KCTD14: variants seen among roughly 807,000 people sequenced by gnomAD.
KCTD14 encodes BTB/POZ domain-containing protein KCTD14.
Under a neutral mutation model 5.9 loss-of-function variants are expected in KCTD14, and 7 were observed. The ratio of observed to expected loss-of-function variants is 1.19; its 90% CI spans 0.68 to 2.23. The LOEUF (loss-of-function observed/expected upper bound fraction) is 2.23, where lower values mean the gene tolerates loss of function less well. KCTD14 is among the 30% of genes most tolerant of loss of function. KCTD14 has a pLI of 0.00. For synonymous variants in KCTD14, 140 were observed against 133.1 expected (o/e 1.05, Z -0.36); for missense variants, 342 against 332.2 (o/e 1.03, Z -0.23).
rs535131984 is a variant in KCTD14, at chr11:78,016,460, T to C, written c.*133A>G. The C allele has an allele frequency of 4.8e-5, 35 of 722,066 alleles. No individual in the cohort carries two copies. Among genetic ancestry groups the C allele is most frequent in the Admixed American group, 2.9e-4 (10 of 34,474 alleles). 44.7% of individuals were successfully genotyped at this position (722,066 alleles called of 1,614,324 possible). A position where few individuals can be genotyped will look rare whatever the true frequency, so the allele number is the denominator to read the frequency against. On this transcript the variant is annotated 3_prime_UTR_variant, in exon 2 of 2. Transcript: ENST00000353172. ...GGAAAGTCCTTAAACGAGTGATCAATATTTAGTGGCAAGACTCTAGACCAA... is the reference window on the plus strand; with the variant it reads ...GGAAAGTCCTTAAACGAGTGATCAACATTTAGTGGCAAGACTCTAGACCAA...
chr11:78,041,219 G>T (rs1243060596), intron 1 of KCTD14, among the ~76,000 whole-genome samples: 2 of 152,188 alleles, frequency 1.3e-5, no homozygotes, highest in Non-Finnish European at 2.9e-5. Flanking sequence ...GGGCACTGGA[G>T]TTTATGATGT....
chr11:78,036,763 C>T (rs536310165), intron 2 of KCTD14, among the ~76,000 whole-genome samples: 2 of 152,332 alleles, frequency 1.3e-5, no homozygotes, highest in African/African-American at 2.4e-5. Context: ...CTGCCCCAAG[C>T]TCCATGAGGG....
At chr11:78,032,363 CA>C (rs781174041) in intron 2 of KCTD14, among the ~76,000 whole-genome samples, 8 of 146,858 alleles carry the variant, frequency 5.4e-5, no homozygotes, top group Non-Finnish European at 1.1e-4. Context: ...CTTTTAACCC[CA>C]AAAATGCCTC....
At chr11:78,033,444 G>A (rs1857685367) in intron 2 of KCTD14, among the ~76,000 whole-genome samples, 1 of 152,152 alleles carries the variant, frequency 6.6e-6, no homozygotes, top group Admixed American at 6.5e-5. Flanking sequence ...CACTTTGGGA[G>A]GCCGAGGAGG....
intron 2 of KCTD14, among the ~76,000 whole-genome samples, chr11:78,036,294 T>C (rs1857802153): frequency 1.3e-5 from 2 of 152,270 alleles, no homozygotes; most frequent in African/African-American, 2.4e-5. Context: ...GCATGCATTG[T>C]GTCTATGCTG....
At chr11:78,022,489 C>G (rs1857333141) in intron 1 of KCTD14, among the ~76,000 whole-genome samples, 1 of 152,096 alleles carries the variant, frequency 6.6e-6, no homozygotes, top group Non-Finnish European at 1.5e-5. Context: ...TGATCATGGC[C>G]CTATTAGAGA....
At chr11:78,022,970 A>G in intron 1 of KCTD14, 190 bp downstream of exon 1, 1 of 557,374 alleles carries the variant, frequency 1.8e-6, no homozygotes. Context: ...GCGAAAGGAG[A>G]GTGATCCCAG....
In KCTD14 at chr11:78,016,600, C is replaced by T. The variant is rs745391984; in HGVS notation, c.761G>A (p.Trp254Ter). 21 of 1,611,958 alleles carry T rather than the reference C, an allele frequency of 1.3e-5. 1 individual carries two copies. In the Middle Eastern group the frequency reaches 1.6e-3, roughly 126 times the overall value. ...HFNIYSFTFT[W>*]W Reference sequence around the variant, plus strand: ...AGTCTCTGCTCCTGAGGATCACCACCAGGTGAAGGTGAATGAATAAATGTT... The same window carrying T: ...AGTCTCTGCTCCTGAGGATCACCACTAGGTGAAGGTGAATGAATAAATGTT... The change falls in exon 2 of 2, where the codon TGG becomes TAG. Residue 254 changes from tryptophan to a stop codon, truncating the protein, a stop_gained. Coordinates refer to ENST00000353172, the MANE Select transcript of KCTD14 (RefSeq NM_023930.4). LOFTEE classifies it high-confidence loss of function.
intron 2 of KCTD14, among the ~76,000 whole-genome samples, chr11:78,033,675 C>G (rs1251452287): frequency 1.2e-5 from 1 of 81,982 alleles, no homozygotes; most frequent in East Asian, 2.7e-4. Context: ...GAGCGAGACT[C>G]CTTCTCAAAA....
intron 2 of KCTD14, among the ~76,000 whole-genome samples, chr11:78,031,936 C>A (rs1037195227): frequency 2.6e-5 from 4 of 152,212 alleles, no homozygotes; most frequent in Non-Finnish European, 5.9e-5. Context: ...AATGGTGGAT[C>A]ACAGATAATG....
intron 1 of KCTD14, among the ~76,000 whole-genome samples, chr11:78,040,966 G>A (rs7128151): frequency 0.36 from 54,713 of 152,100 alleles, 10,510 homozygotes; most frequent in South Asian, 0.42. Flanking sequence ...CACCGCGCCC[G>A]GCCACTAGGA....
In KCTD14 at chr11:78,016,820, A is replaced by G. The variant is rs1348955052; in HGVS notation, c.541T>C (p.Tyr181His). Residue 181 changes from tyrosine to histidine, a missense_variant, in exon 2 of 2, where the codon TAT becomes CAT. Coordinates refer to ENST00000353172, the MANE Select transcript of KCTD14 (RefSeq NM_023930.4). ...CLVETEEQDAYYSEVLCFLQD... is the reference protein window; with the variant it reads ...CLVETEEQDAHYSEVLCFLQD... ...AGAAAACACAGGACCTCTGAATAAT[A>G]TGCATCCTGCTCCTCAGTTTCCACC... 1 of 1,614,012 alleles carries G rather than the reference A, an allele frequency of 6.2e-7. No homozygotes were observed. The highest frequency in any genetic ancestry group is 8.5e-7 in the Non-Finnish European group (1 of 1,179,998).
At chr11:78,031,065 T>G (rs1452363961) in intron 2 of KCTD14, among the ~76,000 whole-genome samples, 1 of 132,962 alleles carries the variant, frequency 7.5e-6, no homozygotes, top group Non-Finnish European at 1.6e-5. Context: ...TTTTTTTTTT[T>G]GAGACAGAAT....
chr11:78,023,107 G>T, intron 1 of KCTD14, 53 bp downstream of exon 1: 1 of 1,214,612 alleles, frequency 8.2e-7, no homozygotes, highest in Non-Finnish European at 1.2e-6. Context: ...GGAAGAGGCG[G>T]AGGGAAGAGG....
chr11:78,036,854 C>T (rs182921655), intron 2 of KCTD14, among the ~76,000 whole-genome samples: 3 of 152,296 alleles, frequency 2.0e-5, no homozygotes, highest in East Asian at 1.9e-4. Context: ...TGCTAGGCCC[C>T]GGATAAATCG....
rs929175983 is a variant in KCTD14 at position 78,016,139 on chromosome 11, T to G, written c.*454A>C. On this transcript the variant is annotated 3_prime_UTR_variant, in exon 2 of 2. Transcript: ENST00000353172. ...CTCTGAGGTGTTAGCACCCACAGCA[T>G]CTCGCAAAGGGGATCAGGAAAGCAC... The G allele has an allele frequency of 5.6e-6, 1 of 179,136 alleles. No individual in the cohort carries two copies. Among genetic ancestry groups the G allele is most frequent in the Non-Finnish European group, 1.2e-5 (1 of 84,550 alleles). 11.1% of individuals were successfully genotyped at this position (179,136 alleles called of 1,614,324 possible).
At chr11:78,039,068 CAAAAAAA>C (rs34453594) in intron 1 of KCTD14, among the ~76,000 whole-genome samples, 1 of 114,764 alleles carries the variant, frequency 8.7e-6, no homozygotes, top group Non-Finnish European at 1.7e-5. Flanking sequence ...CTTTAGATTA[CAAAAAAA>C]AAAAAAAAAA....
In KCTD14 at chr11:78,023,176, C is replaced by T. The variant is rs1565310843; in HGVS notation, c.74G>A (p.Arg25Gln). 5 of 1,592,736 alleles carry T rather than the reference C, an allele frequency of 3.1e-6. No homozygotes were observed. The highest frequency in any genetic ancestry group is 1.1e-5 in the South Asian group (1 of 90,364). The change falls in exon 1 of 2, where the codon CGG becomes CAG. Residue 25 changes from arginine to glutamine, a missense_variant. Physicochemically the swap from Arg to Gln is conservative, Grantham distance 43. Transcript: ENST00000353172. ...CGCACTTACCGTTGGCCGCCTGGGC[C>T]GGGGGGACTGGGGCAGAGGGGTCTG... ...TSQTPLPQSP[R>Q]PRRPTMSTVV...
intron 2 of KCTD14, among the ~76,000 whole-genome samples, chr11:78,032,938 T>C (rs1857670143): frequency 6.6e-6 from 1 of 152,032 alleles, no homozygotes; most frequent in Non-Finnish European, 1.5e-5. Context: ...CACCTTAGGC[T>C]CCCAAAGTGC....
Sources: allele counts gnomAD v4.1 joint callset (sites outside exome capture counted in the v4.1 genomes callset), GRCh38; gene constraint gnomAD v4.1.1; transcripts MANE v1.5; gene names NCBI Gene and HGNC (gene_info 2026-07-23, HGNC 2026-07-21).